The following EIF4E1B variants were observed in gnomAD, a reference collection of about 807,000 sequenced individuals.
EIF4E1B encodes the protein eukaryotic translation initiation factor 4E type 1B.
A neutral mutation model predicts 31.3 loss-of-function variants in EIF4E1B; 22 were observed. That is an observed-to-expected ratio of 0.70 (90% confidence interval 0.50 to 1.00). The LOEUF is 1.00. EIF4E1B is among the 50% of genes least tolerant of loss of function. The probability of loss-of-function intolerance (pLI) is 0.00; values close to 1 mark genes in which losing one functional copy is unlikely to be tolerated. For missense variants in EIF4E1B, 290 were observed against 311.6 expected (o/e 0.93, Z 0.52); for synonymous variants, 126 against 120.2 (o/e 1.05, Z -0.31).
intron 1 of EIF4E1B, among the ~76,000 whole-genome samples, chr5:176,631,311 C>T (rs992338165): frequency 6.6e-6 from 1 of 152,170 alleles, no homozygotes; most frequent in Non-Finnish European, 1.5e-5. Context: ...AGAACAAAAC[C>T]ACTTTTTTGT....
chr5:176,640,374 C>A lies in EIF4E1B; in HGVS notation c.-201-1669C>A, dbSNP rs114405728. ...AGCTGGGCTGTCCTACTGAGCACTA[C>A]CCACATTGCACGCTTGTGAGCATAA... On this transcript the variant is annotated intron_variant, in intron 1 of 8. Coordinates refer to ENST00000318682, the MANE Select transcript of EIF4E1B (RefSeq NM_001099408.2). Among the ~76,000 whole-genome samples the A allele has an allele frequency of 3.2e-3, 494 of 152,332 alleles. 2 individuals are homozygous for A. Among genetic ancestry groups the A allele is most frequent in the African/African-American group, 0.011 (465 of 41,576 alleles).
At chr5:176,636,028 G>A (rs188062142) in intron 1 of EIF4E1B, among the ~76,000 whole-genome samples, 328 of 152,260 alleles carry the variant, frequency 2.2e-3, no homozygotes, top group Non-Finnish European at 3.7e-3. Flanking sequence ...TGTTGGCTAG[G>A]CTGGTCTCGA....
At chr5:176,631,392 T>C (rs1760379832) in intron 1 of EIF4E1B, among the ~76,000 whole-genome samples, 1 of 152,134 alleles carries the variant, frequency 6.6e-6, no homozygotes, top group Non-Finnish European at 1.5e-5. Context: ...GTTGGTTCTA[T>C]GATAGAATTA....
At chr5:176,632,400 C>A (rs1760417886) in intron 1 of EIF4E1B, among the ~76,000 whole-genome samples, 1 of 152,222 alleles carries the variant, frequency 6.6e-6, no homozygotes, top group Non-Finnish European at 1.5e-5. Context: ...GGATTACAGG[C>A]ATGTGCCACC....
intron 1 of EIF4E1B, among the ~76,000 whole-genome samples, chr5:176,637,786 AGAG>A (rs1425004683): frequency 6.6e-6 from 1 of 152,166 alleles, no homozygotes; most frequent in Non-Finnish European, 1.5e-5. Context: ...CGCTGTGAGC[AGAG>A]GAGGGAGTGA....
At chr5:176,637,401 T>C (rs901126164) in intron 1 of EIF4E1B, among the ~76,000 whole-genome samples, 6 of 152,302 alleles carry the variant, frequency 3.9e-5, no homozygotes, top group Admixed American at 1.3e-4. Flanking sequence ...ATCGTGCCAC[T>C]GTACTCCAGC....
chr5:176,641,632 T>C (rs1760580364), intron 1 of EIF4E1B: 1 of 152,252 alleles, frequency 6.6e-6, no homozygotes, highest in African/African-American at 2.4e-5. Context: ...CTCATCACCG[T>C]AGCAGCACCT....
chr5:176,636,234 G>A (rs151140197), intron 1 of EIF4E1B, among the ~76,000 whole-genome samples: 4 of 152,136 alleles, frequency 2.6e-5, no homozygotes, highest in African/African-American at 7.2e-5. Flanking sequence ...CCTTTCCCCC[G>A]CCACATACCC....
chr5:176,638,184 C>T lies in EIF4E1B; in HGVS notation c.-201-3859C>T, dbSNP rs572305384. Reference sequence around the variant, plus strand: ...TAGATACCCAGATGGAGCTGTCGGGCGGGCAGTTGGATATGCTCTTCTGGA... The same window carrying T: ...TAGATACCCAGATGGAGCTGTCGGGTGGGCAGTTGGATATGCTCTTCTGGA... On this transcript the variant is annotated intron_variant, in intron 1 of 8. Transcript: ENST00000318682. This position sits in a 1 kb window ranked among gnomAD's most constrained non-coding sequence, Gnocchi z 4.3. Among the ~76,000 whole-genome samples the T allele has an allele frequency of 2.0e-5, 3 of 152,174 alleles. No individual in the cohort carries two copies. Among genetic ancestry groups the T allele is most frequent in the South Asian group, 2.1e-4 (1 of 4,818 alleles).
Position 176,645,009 on chromosome 5 carries a change from A to C in EIF4E1B, c.361-121A>C. On this transcript the variant is annotated intron_variant, in intron 6 of 8. Coordinates refer to ENST00000318682, the MANE Select transcript of EIF4E1B (RefSeq NM_001099408.2). The surrounding 1 kb of genome is among the most constrained non-coding windows in gnomAD (Gnocchi z 5.4). The stretch of plus-strand genomic sequence containing the variant: ...GAACCTGCTTGCACTGAGGGAAGGG[A>C]GGATAAGAGAATCTGGCCTACTTAG... 2.4e-6 allele frequency: 2 copies of C among 820,530 alleles called. No homozygotes were observed. The highest frequency in any genetic ancestry group is 3.9e-6 in the Non-Finnish European group (2 of 517,074). 50.8% of individuals were successfully genotyped at this position (820,530 alleles called of 1,614,324 possible). A position where few individuals can be genotyped will look rare whatever the true frequency, so the allele number is the denominator to read the frequency against.
At chr5:176,631,469 A>G (rs1760381838) in intron 1 of EIF4E1B, among the ~76,000 whole-genome samples, 1 of 152,160 alleles carries the variant, frequency 6.6e-6, no homozygotes, top group Non-Finnish European at 1.5e-5. Context: ...AGGAAAGGAC[A>G]TAAAAAAGAG....
rs900958550 is a variant in EIF4E1B at position 176,643,094 on chromosome 5, G to C, written c.28G>C (p.Glu10Gln). 5 of 1,612,420 alleles carry C rather than the reference G, an allele frequency of 3.1e-6. No individual in the cohort carries two copies. The highest frequency in any genetic ancestry group is 1.7e-5 in the Admixed American group (1 of 59,680). ...TTTTTTGGCTCAGGTGAGTGAAGCTGAGGGTGGAATCCGAGAGTGGGAGGA... is the reference window on the plus strand; with the variant it reads ...TTTTTTGGCTCAGGTGAGTGAAGCTCAGGGTGGAATCCGAGAGTGGGAGGA... MLAVEVSEA[E>Q]GGIREWEEEE... The change falls in exon 4 of 9, where the codon GAG becomes CAG. Residue 10 changes from glutamate (E) to glutamine (Q), a missense_variant. By Grantham distance (29) the Glu-to-Gln change is conservative. Coordinates refer to ENST00000318682, the MANE Select transcript of EIF4E1B (RefSeq NM_001099408.2).
In EIF4E1B at chr5:176,643,738, A is replaced by C. The variant is rs1206044390; in HGVS notation, c.296+4A>C. 1.2e-6 allele frequency: 2 copies of C among 1,611,032 alleles called. No homozygotes were observed. Among genetic ancestry groups the C allele is most frequent in the Non-Finnish European group, 1.7e-6 (2 of 1,178,674 alleles). On this transcript the variant is annotated splice_donor_region_variant and intron_variant, in intron 5 of 8. Coordinates refer to ENST00000318682, the MANE Select transcript of EIF4E1B (RefSeq NM_001099408.2). ...ACACTGTGGAGGACTTCTGGGCGTG[A>C]GTGTCTGTCCCCAGTGGGGCTAGAG...
chr5:176,635,915 C>T (rs1760484829), intron 1 of EIF4E1B, among the ~76,000 whole-genome samples: 1 of 152,156 alleles, frequency 6.6e-6, no homozygotes, highest in African/African-American at 2.4e-5. Flanking sequence ...CTCCCGGGTT[C>T]AAGCTATTCT....
Position 176,643,676 on chromosome 5 carries a change from G to T in EIF4E1B, c.238G>T (p.Ala80Ser), listed in dbSNP as rs1561910913. The part of the protein sequence containing the change: ...LWFFKNDRSR[A>S]WQDNLHLVTK... ...GTTCTTCAAGAATGACCGCAGCCGG[G>T]CCTGGCAGGACAACCTGCACCTGGT... Residue 80 changes from alanine to serine, a missense_variant, in exon 5 of 9, where the codon GCC (alanine) becomes TCC (serine). Transcript: ENST00000318682. 6.2e-7 allele frequency: 1 copy of T among 1,612,752 alleles called. No individual in the cohort carries two copies. Among genetic ancestry groups the T allele is most frequent in the Non-Finnish European group, 8.5e-7 (1 of 1,179,444 alleles).
chr5:176,641,837 T>C (rs1760584080), intron 1 of EIF4E1B: 1 of 152,508 alleles, frequency 6.6e-6, no homozygotes, highest in Admixed American at 6.6e-5. Context: ...GAAAAGGGGT[T>C]GTTCAGAAGG....
chr5:176,642,943 G>C, intron 3 of EIF4E1B, 139 bp from the exon 4 acceptor site: 1 of 1,462,592 alleles, frequency 6.8e-7, no homozygotes, highest in Non-Finnish European at 9.1e-7. Context: ...GTCCTCCATG[G>C]AGTTTGAGCT....
intron 1 of EIF4E1B, among the ~76,000 whole-genome samples, chr5:176,635,225 G>A (rs1248186034): frequency 6.6e-6 from 1 of 152,050 alleles, no homozygotes; most frequent in Non-Finnish European, 1.5e-5. Context: ...ACAAGCTGAA[G>A]AGAGTGCACA....
intron 1 of EIF4E1B, among the ~76,000 whole-genome samples, chr5:176,636,660 C>T (rs1423353396): frequency 2.6e-5 from 4 of 152,192 alleles, no homozygotes; most frequent in East Asian, 1.9e-4. Flanking sequence ...GCAGGCAGGA[C>T]GGGAAGCTGA....
Sources: allele counts gnomAD v4.1 joint callset (sites outside exome capture counted in the v4.1 genomes callset), GRCh38; gene constraint gnomAD v4.1.1; non-coding constraint Gnocchi (gnomAD v3.1); transcripts MANE v1.5; gene names NCBI Gene and HGNC (gene_info 2026-07-23, HGNC 2026-07-21).